ANGPTL6: variants seen among roughly 807,000 people sequenced by gnomAD.
The protein encoded by ANGPTL6 is angiopoietin like 6.
A neutral mutation model predicts 47.4 loss-of-function variants in ANGPTL6; 45 were observed. The observed-to-expected ratio is 0.95, with a 90% CI of 0.75 to 1.22. ANGPTL6 has a LOEUF of 1.22. ANGPTL6 is among the 50% of genes most tolerant of loss of function. The probability of loss-of-function intolerance (pLI) is 0.00; values close to 1 mark genes in which losing one functional copy is unlikely to be tolerated. For missense variants in ANGPTL6, 698 were observed against 669.4 expected, an observed-to-expected ratio of 1.04 and a Z score of -0.47; for synonymous variants, 290 against 295.9, an observed-to-expected ratio of 0.98 and a Z score of 0.20.
intron 1 of ANGPTL6, 104 bp from the exon 2 acceptor site, chr19:10,096,677 G>T: frequency 2.1e-6 from 2 of 930,852 alleles, no homozygotes; most frequent in Non-Finnish European, 1.5e-6. Context: ...GATGTCCCGG[G>T]CCCATAATTT....
At chr19:10,104,383 C>T (rs1227862264), upstream of ANGPTL6, among the ~76,000 whole-genome samples, 1 of 146,792 alleles carries the variant, frequency 6.8e-6, no homozygotes, top group African/African-American at 2.5e-5. Flanking sequence ...CAGTAAGTTC[C>T]ATGTAGTGTT....
intron 2 of ANGPTL6, among the ~76,000 whole-genome samples, chr19:10,095,359 C>T (rs1401399369): frequency 6.6e-6 from 1 of 152,080 alleles, no homozygotes; most frequent in Non-Finnish European, 1.5e-5. Flanking sequence ...TTGCAGTGAG[C>T]CAAGATTGCA....
chr19:10,093,958 A>G, intron 3 of ANGPTL6, 78 bp from the exon 4 acceptor site: 1 of 1,452,490 alleles, frequency 6.9e-7, no homozygotes, highest in South Asian at 1.2e-5. Flanking sequence ...AGATTCTCAC[A>G]GGTCCTCTCA....
At chr19:10,099,084 C>T (rs1289594360) in intron 1 of ANGPTL6, among the ~76,000 whole-genome samples, 1 of 152,134 alleles carries the variant, frequency 6.6e-6, no homozygotes, top group Non-Finnish European at 1.5e-5. Flanking sequence ...ATTCCCAGCT[C>T]AAGACACCAT....
At chr19:10,098,817 A>T (rs1416463256) in intron 1 of ANGPTL6, among the ~76,000 whole-genome samples, 2 of 150,690 alleles carry the variant, frequency 1.3e-5, no homozygotes, top group African/African-American at 2.4e-5. Flanking sequence ...AAAGCAAAAC[A>T]CTGTCTCAAA....
rs1278196891 is a variant in ANGPTL6 at position 10,096,513 on chromosome 19, C to T, written c.51G>A (p.Ala17=). 5 of 1,514,030 alleles carry T rather than the reference C, an allele frequency of 3.3e-6. No individual in the cohort carries two copies. In the East Asian group the frequency reaches 8.0e-5, roughly 24 times the overall value. 93.8% of individuals were successfully genotyped at this position (1,514,030 alleles called of 1,614,324 possible). The change falls in exon 2 of 6, where the codon GCG becomes GCA. Residue 17 remains alanine (A), a synonymous_variant. Coordinates refer to ENST00000253109, the MANE Select transcript of ANGPTL6 (RefSeq NM_031917.3). ...GCGGGGCGCCCGCCCGCGCCCACGA[C>T]GCGCCCAGCAGGAGCAGCAGCTGTA... is the stretch of plus-strand genomic sequence containing the variant. ...RALQLLLLLG[A]SWARAGAPRC...
chr19:10,103,207 C>T (rs1434263516), upstream of ANGPTL6, among the ~76,000 whole-genome samples: 1 of 151,736 alleles, frequency 6.6e-6, no homozygotes, highest in Non-Finnish European at 1.5e-5. Context: ...GAAACTCACA[C>T]ATGTACACCA....
chr19:10,105,892 C>T (rs555566347), upstream of ANGPTL6, among the ~76,000 whole-genome samples: 1 of 152,346 alleles, frequency 6.6e-6, no homozygotes, highest in Admixed American at 6.5e-5. Flanking sequence ...CTCAGCCTGT[C>T]TGCAGACAGG....
At chr19:10,104,508 T>C (rs1383747790), upstream of ANGPTL6, among the ~76,000 whole-genome samples, 1 of 152,126 alleles carries the variant, frequency 6.6e-6, no homozygotes, top group Non-Finnish European at 1.5e-5. Context: ...AGAGAATATA[T>C]TAAGTGAGAA....
At chr19:10,095,159 G>C (rs2088498597) in intron 2 of ANGPTL6, among the ~76,000 whole-genome samples, 1 of 152,210 alleles carries the variant, frequency 6.6e-6, no homozygotes, top group Admixed American at 6.5e-5. Flanking sequence ...TGTAATCCCA[G>C]CACTTTGGGA....
upstream of ANGPTL6, among the ~76,000 whole-genome samples, chr19:10,103,624 T>TAGATA (rs1555757145): frequency 7.9e-6 from 1 of 126,108 alleles, no homozygotes; most frequent in Non-Finnish European, 1.7e-5. Flanking sequence ...AATAAATAAA[T>TAGATA]AATAAATAAA....
chr19:10,097,361 G>A (rs917025252), intron 1 of ANGPTL6, among the ~76,000 whole-genome samples: 6 of 150,490 alleles, frequency 4.0e-5, no homozygotes, highest in African/African-American at 7.3e-5. Context: ...AAGCCTGGGC[G>A]ACAGAGCAAG....
At position 10,096,438 on chromosome 19, in the gene ANGPTL6, C is replaced by G; in HGVS notation, c.126G>C (p.Val42=). 6.9e-7 allele frequency: 1 copy of G among 1,442,844 alleles called. No homozygotes were observed. Among genetic ancestry groups the G allele is most frequent in the Non-Finnish European group, 9.0e-7 (1 of 1,106,978 alleles). 89.4% of individuals were successfully genotyped at this position (1,442,844 alleles called of 1,614,324 possible). ...VLPPQKFTGA[V]CWSGPASTRA... is the part of the protein sequence containing the mutation. ...GCGTGGATGCGGGGCCGCTCCAGCA[C>G]ACAGCGCCCGTGAACTTCTGCGGGG... Residue 42 remains valine (V), a synonymous_variant, in exon 2 of 6, where the codon GTG becomes GTC. Coordinates refer to ENST00000253109, the MANE Select transcript of ANGPTL6 (RefSeq NM_031917.3).
chr19:10,094,295 C>T (rs1204935124), intron 3 of ANGPTL6, among the ~76,000 whole-genome samples: 1 of 152,166 alleles, frequency 6.6e-6, no homozygotes, highest in East Asian at 1.9e-4. Flanking sequence ...TACAGGCGCC[C>T]GCCACCACGC....
At position 10,096,308 on chromosome 19, in the gene ANGPTL6, C is replaced by T. The variant is rs2088535090; in HGVS notation, c.256G>A (p.Asp86Asn). Residue 86 changes from aspartate to asparagine, a missense_variant, in exon 2 of 6, where the codon GAC (aspartate) becomes AAC (asparagine). Transcript: ENST00000253109. ...CGCACCTCGCCGGCCACGGCGCCGTCGGCCGCCGCCAGCCTCTGCAGCTCG... is the reference window on the plus strand; with the variant it reads ...CGCACCTCGCCGGCCACGGCGCCGTTGGCCGCCGCCAGCCTCTGCAGCTCG... The part of the protein sequence containing the change: ...LRELQRLAAA[D>N]GAVAGEVRAL... 3.2e-6 allele frequency: 4 copies of T among 1,240,238 alleles called. No individual in the cohort carries two copies. The highest frequency in any genetic ancestry group is 4.0e-6 in the Non-Finnish European group (4 of 994,322). 76.8% of individuals were successfully genotyped at this position (1,240,238 alleles called of 1,614,324 possible). A position where few individuals can be genotyped will look rare whatever the true frequency, so the allele number is the denominator to read the frequency against.
intron 5 of ANGPTL6, 125 bp from the exon 6 acceptor site, chr19:10,092,904 T>A: frequency 1.3e-6 from 1 of 787,210 alleles, no homozygotes. Flanking sequence ...CAAGCCCTGA[T>A]CTTCCATCTC....
chr19:10,097,579 C>A (rs1005437816), intron 1 of ANGPTL6, among the ~76,000 whole-genome samples: 12 of 152,054 alleles, frequency 7.9e-5, no homozygotes, highest in Admixed American at 6.6e-4. Flanking sequence ...TAGGGCCAGG[C>A]GCGGTGGCTC....
rs143740595 is a variant in ANGPTL6, at chr19:10,093,801, G to C, written c.843C>G (p.His281Gln). 7 of 1,613,994 alleles carry C rather than the reference G, an allele frequency of 4.3e-6. No homozygotes were observed. Among genetic ancestry groups the C allele is most frequent in the Non-Finnish European group, 5.9e-6 (7 of 1,180,048 alleles). The change falls in exon 4 of 6, where the codon CAC becomes CAG. Residue 281 changes from histidine to glutamine, a missense_variant. By Grantham distance (24) the His-to-Gln change is conservative. Coordinates refer to ENST00000253109, the MANE Select transcript of ANGPTL6 (RefSeq NM_031917.3). The stretch of plus-strand genomic sequence containing the variant: ...GCTGCTCACACCATACTGACACTAC[G>C]TGACGGCCCACTCGCAGTTCATACA... Reference protein sequence around the residue: ...SGVYELRVGRHVVSVWCEQQL... With the variant: ...SGVYELRVGRQVVSVWCEQQL...
At chr19:10,104,097 A>AAG (rs961564865), upstream of ANGPTL6, among the ~76,000 whole-genome samples, 6 of 151,484 alleles carry the variant, frequency 4.0e-5, no homozygotes, top group Admixed American at 6.6e-5. Flanking sequence ...AAAAAAAAAA[A>AAG]AAAAGAAAAG....
Sources: gnomAD v4.1 joint callset for allele counts (sites outside exome capture counted in the v4.1 genomes callset) on GRCh38, gnomAD v4.1.1 for gene constraint, MANE v1.5 for transcripts, NCBI Gene and HGNC (gene_info 2026-07-23, HGNC 2026-07-21) for gene names.